Variants in PRKAR1A observed in about 807,000 individuals in gnomAD.
The protein encoded by PRKAR1A is cAMP-dependent protein kinase type I-alpha regulatory subunit.
A neutral mutation model predicts 52.0 loss-of-function variants in PRKAR1A; 3 were observed. That is an observed-to-expected ratio of 0.06 (90% CI 0.03 to 0.15). The LOEUF is 0.15. Among genes scored for constraint, PRKAR1A ranks in the 10% least tolerant of loss-of-function variants. PRKAR1A has a pLI of 1.00. For synonymous variants in PRKAR1A, 188 were observed against 168.4 expected, an observed-to-expected ratio of 1.12 and a Z score of -0.90; for missense variants, 240 against 477.4, an observed-to-expected ratio of 0.50 and a Z score of 4.63.
the PRKAR1A span, among the ~76,000 whole-genome samples, chr17:68,429,518 C>G: frequency 1.3e-5 from 2 of 152,184 alleles, no homozygotes; most frequent in African/African-American, 4.8e-5. Flanking sequence ...CTGGCTGCCC[C>G]CTGAGAATCC....
chr17:68,442,679 C>T, the PRKAR1A span, among the ~76,000 whole-genome samples: 1 of 152,152 alleles, frequency 6.6e-6, no homozygotes, highest in African/African-American at 2.4e-5. Flanking sequence ...GAAGGCCCAG[C>T]TCAGGCCCTG....
chr17:68,437,032 GTGTGTATA>G, the PRKAR1A span, among the ~76,000 whole-genome samples: 1 of 150,772 alleles, frequency 6.6e-6, no homozygotes, highest in African/African-American at 2.4e-5. Context: ...GTGTGTGTGT[GTGTGTATA>G]TATTGCTCAT....
At position 68,533,342 on chromosome 17, in the gene PRKAR1A, T is replaced by G; in HGVS notation, c.*2893T>G. The G allele has an allele frequency of 9.4e-7, 1 of 1,062,616 alleles. No homozygotes were observed. Among genetic ancestry groups the G allele is most frequent in the Non-Finnish European group, 1.1e-6 (1 of 877,346 alleles). 65.8% of individuals were successfully genotyped at this position (1,062,616 alleles called of 1,614,324 possible). ...TCTTTAAATTGTGTTGCTTTGAACA[T>G]GTGTACCTTTTCTAGATTCAGTAAT... is the stretch of plus-strand genomic sequence containing the variant. On this transcript the variant is annotated 3_prime_UTR_variant, in exon 11 of 11. Transcript: ENST00000589228.
At chr17:68,505,483 A>T in the PRKAR1A span, among the ~76,000 whole-genome samples, 1 of 152,170 alleles carries the variant, frequency 6.6e-6, no homozygotes, top group African/African-American at 2.4e-5. Context: ...CAACAGAAAG[A>T]GTGAACTCTA....
At chr17:68,540,883 A>G (rs1478437398) in intron 11 of PRKAR1A, 4 of 1,605,086 alleles carry the variant, frequency 2.5e-6, no homozygotes, top group Non-Finnish European at 8.5e-7. Context: ...TGTCGATGAC[A>G]TTGAGGAGCC....
At chr17:68,512,355 A>G (rs1348884451), upstream of PRKAR1A, 3 of 152,910 alleles carry the variant, frequency 2.0e-5, no homozygotes, top group African/African-American at 4.8e-5. Flanking sequence ...TGCTAAGGCG[A>G]CGGTTCTGGC....
chr17:68,520,790 C>A (rs1210388515), intron 2 of PRKAR1A, among the ~76,000 whole-genome samples: 1 of 152,148 alleles, frequency 6.6e-6, no homozygotes, highest in African/African-American at 2.4e-5. Flanking sequence ...CAAAATTAAT[C>A]TTAAAAATTC....
the PRKAR1A span, among the ~76,000 whole-genome samples, chr17:68,480,716 T>A: frequency 1.3e-5 from 2 of 152,118 alleles, 1 homozygote; most frequent in South Asian, 4.1e-4. Context: ...CTTGGCTGAT[T>A]TTTGTAATTT....
upstream of PRKAR1A, among the ~76,000 whole-genome samples, chr17:68,508,138 T>C (rs773944697): frequency 3.9e-5 from 6 of 152,180 alleles, no homozygotes; most frequent in Non-Finnish European, 8.8e-5. Flanking sequence ...GCATCAACTC[T>C]TCCTTGGGTC....
chr17:68,544,785 C>T (rs994264366), intron 11 of PRKAR1A, among the ~76,000 whole-genome samples: 1 of 152,244 alleles, frequency 6.6e-6, no homozygotes, highest in Non-Finnish European at 1.5e-5. Flanking sequence ...GACAATCCCT[C>T]TTCCCAGTCT....
At chr17:68,427,812 G>A in the PRKAR1A span, among the ~76,000 whole-genome samples, 8 of 152,334 alleles carry the variant, frequency 5.3e-5, no homozygotes, top group East Asian at 1.5e-3. Context: ...GTGGGGGGCG[G>A]TGGCAGCTCT....
At chr17:68,484,322 G>A in the PRKAR1A span, among the ~76,000 whole-genome samples, 1 of 152,142 alleles carries the variant, frequency 6.6e-6, no homozygotes. Context: ...ATCTTTAAAT[G>A]TTTTGTATTT....
the PRKAR1A span, among the ~76,000 whole-genome samples, chr17:68,455,839 C>G: frequency 2.0e-5 from 3 of 152,106 alleles, no homozygotes; most frequent in African/African-American, 7.2e-5. Flanking sequence ...GAATTTAGAA[C>G]ATTTACTACT....
chr17:68,433,464 T>G, the PRKAR1A span: 1 of 1,613,870 alleles, frequency 6.2e-7, no homozygotes, highest in Non-Finnish European at 8.5e-7. Context: ...CGCGGAGTAC[T>G]TGCCTGTTGG....
chr17:68,526,593 T>A (rs2085798110), intron 7 of PRKAR1A, among the ~76,000 whole-genome samples: 1 of 152,176 alleles, frequency 6.6e-6, no homozygotes, highest in African/African-American at 2.4e-5. Context: ...TAGATTAGAT[T>A]AGATAGATAG....
chr17:68,490,082 G>C, the PRKAR1A span, among the ~76,000 whole-genome samples: 1 of 152,240 alleles, frequency 6.6e-6, no homozygotes, highest in African/African-American at 2.4e-5. Context: ...AGGGAAATGT[G>C]TCATTTTACT....
chr17:68,492,407 C>T, the PRKAR1A span, among the ~76,000 whole-genome samples: 2,906 of 152,174 alleles, frequency 0.019, 115 homozygotes, highest in African/African-American at 0.065. Flanking sequence ...TCTTCCCACC[C>T]CTGCGAGCCA....
chr17:68,534,560 C>CTTTTTTTTTTTTTTTTTTTTTCT (rs34994040), downstream of PRKAR1A, among the ~76,000 whole-genome samples: 1 of 111,054 alleles, frequency 9.0e-6, no homozygotes, highest in Non-Finnish European at 1.8e-5. Context: ...TTTTTAGTGC[C>CTTTTTTTTTTTTTTTTTTTTTCT]TTTTTTTTTT....
rs773430995 is a variant in PRKAR1A at position 68,527,864 on chromosome 17, A to G, written c.733A>G (p.Met245Val). ...LMGSTLRKRK[M>V]YEEFLSKVSI... ...GGGAAGCACACTGAGAAAGCGGAAG[A>G]TGTATGAGGAATTCCTTAGTAAAGT... Residue 245 changes from methionine to valine, a missense_variant, in exon 8 of 11, where the codon ATG becomes GTG. Physicochemically the swap from Met to Val is conservative, Grantham distance 21. Around this residue, in one of 4 missense-constraint regions of PRKAR1A, gnomAD observed 107 missense variants for 290.9 expected, o/e 0.37. Transcript: ENST00000589228. 6.2e-7 allele frequency: 1 copy of G among 1,612,402 alleles called. No homozygotes were observed. The highest frequency in any genetic ancestry group is 8.5e-7 in the Non-Finnish European group (1 of 1,178,806).
Sources: allele counts gnomAD v4.1 joint callset (sites outside exome capture counted in the v4.1 genomes callset), GRCh38; gene constraint gnomAD v4.1.1; regional missense constraint gnomAD v4.1.1; transcripts MANE v1.5; gene names NCBI Gene and HGNC (gene_info 2026-07-23, HGNC 2026-07-21).